The following SLC25A13 variants were observed in gnomAD, a reference collection of about 807,000 sequenced individuals.
SLC25A13 encodes electrogenic aspartate/glutamate antiporter SLC25A13, mitochondrial.
A neutral mutation model predicts 85.5 loss-of-function variants in SLC25A13; 70 were observed. The observed-to-expected ratio is 0.82, with a 90% CI of 0.68 to 1.00. SLC25A13 has a LOEUF of 1.00. Among genes scored for constraint, SLC25A13 ranks in the 50% least tolerant of loss-of-function variants. SLC25A13 has a pLI of 0.00. For synonymous variants in SLC25A13, 259 were observed against 288.7 expected (o/e 0.90, Z 1.04); for missense variants, 765 against 819.8 (o/e 0.93, Z 0.82).
intron 3 of SLC25A13, among the ~76,000 whole-genome samples, chr7:96,244,137 G>C (rs1034899540): frequency 6.6e-6 from 1 of 151,130 alleles, no homozygotes; most frequent in Non-Finnish European, 1.5e-5. Context: ...CGTGGGGTCT[G>C]GGGGGGTCCT....
At chr7:96,225,025 G>A (rs1025268987) in intron 4 of SLC25A13, among the ~76,000 whole-genome samples, 4 of 152,094 alleles carry the variant, frequency 2.6e-5, no homozygotes, top group African/African-American at 9.7e-5. Flanking sequence ...GACCTTCTAG[G>A]CTACAATAAT....
rs79007600 is a variant in SLC25A13, at chr7:96,131,135, A to C, written c.1591+608T>G. Reference sequence around the variant, plus strand: ...CCTGCTCTTAGGGACCCTTGAAAAGAAGCAGCATCAAAAAATGAACTGATC... The same window carrying C: ...CCTGCTCTTAGGGACCCTTGAAAAGCAGCAGCATCAAAAAATGAACTGATC... On this transcript the variant is annotated intron_variant, in intron 15 of 17. Transcript: ENST00000265631. Among the ~76,000 whole-genome samples, 577 of 152,304 alleles carry C rather than the reference A, an allele frequency of 3.8e-3. 19 individuals carry two copies. In the East Asian group the frequency reaches 0.053, roughly 14 times the overall value.
intron 2 of SLC25A13, chr7:96,283,463 A>C: frequency 2.3e-6 from 1 of 435,180 alleles, no homozygotes; most frequent in Non-Finnish European, 4.5e-6. Context: ...ATCTATAAGA[A>C]AGGTGATATT....
chr7:96,288,337 C>T (rs550744061), intron 2 of SLC25A13, among the ~76,000 whole-genome samples: 6 of 152,202 alleles, frequency 3.9e-5, no homozygotes, highest in Admixed American at 6.5e-5. Flanking sequence ...CAGCTCCCAG[C>T]GTGAGCGATG....
At chr7:96,302,034 CA>C (rs1799565443) in intron 1 of SLC25A13, among the ~76,000 whole-genome samples, 1 of 152,146 alleles carries the variant, frequency 6.6e-6, no homozygotes, top group Admixed American at 6.5e-5. Flanking sequence ...CAGGTCGATT[CA>C]ATGAGTCTAT....
chr7:96,175,897 C>T (rs1430666701), intron 11 of SLC25A13, among the ~76,000 whole-genome samples: 3 of 152,148 alleles, frequency 2.0e-5, no homozygotes, highest in Non-Finnish European at 2.9e-5. Flanking sequence ...TTCCTAAGAC[C>T]TAGGCCAGAT....
intron 2 of SLC25A13, among the ~76,000 whole-genome samples, chr7:96,293,623 G>A (rs1352767755): frequency 2.6e-5 from 4 of 152,138 alleles, no homozygotes; most frequent in African/African-American, 9.7e-5. Flanking sequence ...GGTGAAGGAT[G>A]TGAACAGACA....
At chr7:96,304,410 A>C (rs1234018843) in intron 1 of SLC25A13, among the ~76,000 whole-genome samples, 1 of 152,162 alleles carries the variant, frequency 6.6e-6, no homozygotes, top group Non-Finnish European at 1.5e-5. Context: ...GTTAGATTTC[A>C]CTCTGCTCTG....
chr7:96,211,138 A>C lies in SLC25A13; in HGVS notation c.329-2161T>G, dbSNP rs935893839. On this transcript the variant is annotated intron_variant, in intron 4 of 17. Transcript: ENST00000265631. ...TTTCTAAAATTAGTGAATGCATGTAAAATGTGTCTCACCATAAACAACAAT... is the reference window on the plus strand; with the variant it reads ...TTTCTAAAATTAGTGAATGCATGTACAATGTGTCTCACCATAAACAACAAT... 2.0e-5 allele frequency among the ~76,000 whole-genome samples: 3 copies of C among 152,210 alleles called. 1 individual carries two copies. Among genetic ancestry groups the C allele is most frequent in the Non-Finnish European group, 1.5e-5 (1 of 68,042 alleles).
chr7:96,150,226 T>G (rs1300389748), intron 13 of SLC25A13, among the ~76,000 whole-genome samples: 1 of 151,944 alleles, frequency 6.6e-6, no homozygotes, highest in Non-Finnish European at 1.5e-5. Context: ...TGCTATTTGA[T>G]TTTTCATTCA....
At chr7:96,134,416 A>G (rs1039600358) in intron 14 of SLC25A13, among the ~76,000 whole-genome samples, 1 of 152,148 alleles carries the variant, frequency 6.6e-6, no homozygotes, top group Non-Finnish European at 1.5e-5. Context: ...CTAATTTTGT[A>G]TTGAAACATT....
At chr7:96,190,129 G>A (rs554712030) in intron 7 of SLC25A13, among the ~76,000 whole-genome samples, 1 of 147,430 alleles carries the variant, frequency 6.8e-6, no homozygotes, top group African/African-American at 2.5e-5. Flanking sequence ...CTGTTGCCCA[G>A]GCTGGAGTGC....
chr7:96,224,253 C>T (rs186596006), intron 4 of SLC25A13, among the ~76,000 whole-genome samples: 2 of 152,212 alleles, frequency 1.3e-5, no homozygotes, highest in East Asian at 3.9e-4. Flanking sequence ...CTGGCTTTGC[C>T]CCACTCTAGT....
In SLC25A13 at chr7:96,321,982, C is replaced by T; in HGVS notation, c.-26G>A. ...GATTCGCCCCGGTTGCGGGCGACTG[C>T]GGGACCCACTGACTGGCTGGCTGGC... is the stretch of plus-strand genomic sequence containing the variant. On this transcript the variant is annotated 5_prime_UTR_variant, in exon 1 of 18. Coordinates refer to ENST00000265631, the MANE Select transcript of SLC25A13 (RefSeq NM_014251.3). The T allele has an allele frequency of 6.5e-7, 1 of 1,537,474 alleles. No homozygotes were observed. The highest frequency in any genetic ancestry group is 8.7e-7 in the Non-Finnish European group (1 of 1,142,876).
Position 96,135,950 on chromosome 7 carries a change from T to C in SLC25A13, c.1453-4069A>G, listed in dbSNP as rs149679966. Reference sequence around the variant, plus strand: ...TCCTGAATTTCCTCAGTATATACTATAATCAGTTGGGGAAAATTAATAAAT... The same window carrying C: ...TCCTGAATTTCCTCAGTATATACTACAATCAGTTGGGGAAAATTAATAAAT... On this transcript the variant is annotated intron_variant, in intron 14 of 17. Transcript: ENST00000265631. 1.6e-3 allele frequency among the ~76,000 whole-genome samples: 239 copies of C among 151,342 alleles called. 2 individuals carry two copies. Among genetic ancestry groups the C allele is most frequent in the African/African-American group, 5.6e-3 (231 of 41,270 alleles).
intron 1 of SLC25A13, among the ~76,000 whole-genome samples, chr7:96,310,145 C>T (rs992588044): frequency 3.9e-5 from 6 of 152,212 alleles, no homozygotes; most frequent in African/African-American, 1.4e-4. Context: ...TTTGTTATGG[C>T]AGCCCTAGCA....
chr7:96,154,795 C>CTTTTTTTTTTTTTTTTT (rs199642402), intron 13 of SLC25A13, among the ~76,000 whole-genome samples: 2 of 122,328 alleles, frequency 1.6e-5, no homozygotes, highest in African/African-American at 3.5e-5. Flanking sequence ...ATTTCAGCAT[C>CTTTTTTTTTTTTTTTTT]TTTTTCTTTT....
intron 3 of SLC25A13, among the ~76,000 whole-genome samples, chr7:96,273,418 AT>A (rs1798322646): frequency 6.6e-6 from 1 of 152,214 alleles, no homozygotes; most frequent in Non-Finnish European, 1.5e-5. Flanking sequence ...GTTCTAGTAT[AT>A]TTAAATATGG....
At chr7:96,171,370 A>G in intron 12 of SLC25A13, 102 bp downstream of exon 12, 1 of 1,024,242 alleles carries the variant, frequency 9.8e-7, no homozygotes, top group Non-Finnish European at 1.5e-6. Flanking sequence ...ATTAGCTAGC[A>G]CCTCTGAGAA....
Sources: gnomAD v4.1 joint callset for allele counts (sites outside exome capture counted in the v4.1 genomes callset) on GRCh38, gnomAD v4.1.1 for gene constraint, MANE v1.5 for transcripts, NCBI Gene and HGNC (gene_info 2026-07-23, HGNC 2026-07-21) for gene names.